ANTXR1: variants seen among roughly 807,000 people sequenced by gnomAD.
ANTXR1 encodes ANTXR cell adhesion molecule 1.
ANTXR1 carries 19 observed loss-of-function variants against 78.1 expected under a neutral mutation model. The ratio of observed to expected loss-of-function variants is 0.24; its 90% CI spans 0.17 to 0.36. The LOEUF (loss-of-function observed/expected upper bound fraction) is 0.36, where lower values mean the gene tolerates loss of function less well. Among genes scored for constraint, ANTXR1 ranks in the 10% least tolerant of loss-of-function variants. The pLI is 1.00. For missense variants in ANTXR1, 518 were observed against 718.6 expected (o/e 0.72, Z 3.19); for synonymous variants, 273 against 260.5 (o/e 1.05, Z -0.46).
chr2:69,046,362 C>T (rs1669767971), intron 3 of ANTXR1, among the ~76,000 whole-genome samples: 2 of 152,152 alleles, frequency 1.3e-5, no homozygotes, highest in African/African-American at 2.4e-5. Context: ...GTCTTCCAGA[C>T]CCATTGTGGT....
At chr2:69,238,507 G>A (rs946768126) in intron 17 of ANTXR1, among the ~76,000 whole-genome samples, 7 of 152,218 alleles carry the variant, frequency 4.6e-5, no homozygotes, top group African/African-American at 1.7e-4. Context: ...CATTGTTGAT[G>A]TGTTTAATTC....
At chr2:69,030,128 T>C (rs1305038227) in intron 1 of ANTXR1, among the ~76,000 whole-genome samples, 1 of 152,164 alleles carries the variant, frequency 6.6e-6, no homozygotes, top group East Asian at 1.9e-4. Flanking sequence ...TTTTTTAAAA[T>C]CCCTTTAGGT....
intron 13 of ANTXR1, among the ~76,000 whole-genome samples, chr2:69,161,984 G>C (rs183552961): frequency 6.6e-6 from 1 of 151,802 alleles, no homozygotes; most frequent in African/African-American, 2.4e-5. Context: ...ACATTTATTT[G>C]AGCTAACCTC....
intron 1 of ANTXR1, among the ~76,000 whole-genome samples, chr2:69,025,030 C>T (rs1249177474): frequency 6.6e-6 from 1 of 152,146 alleles, no homozygotes; most frequent in Admixed American, 6.5e-5. Context: ...AACTTCATAT[C>T]TTACCATATC....
chr2:69,127,126 A>T (rs1672565776), intron 12 of ANTXR1, among the ~76,000 whole-genome samples: 1 of 152,246 alleles, frequency 6.6e-6, no homozygotes, highest in African/African-American at 2.4e-5. Flanking sequence ...AGTTATAAAC[A>T]TAGTAAACAA....
At chr2:69,029,909 A>C (rs924909395) in intron 1 of ANTXR1, among the ~76,000 whole-genome samples, 1 of 152,220 alleles carries the variant, frequency 6.6e-6, no homozygotes, top group Non-Finnish European at 1.5e-5. Context: ...AAACTGAAAG[A>C]ATGGATTGTC....
chr2:69,016,973 G>C (rs755087787), intron 1 of ANTXR1, among the ~76,000 whole-genome samples: 24 of 152,172 alleles, frequency 1.6e-4, no homozygotes, highest in Non-Finnish European at 3.5e-4. Context: ...ACCCAAAAAT[G>C]CTCCAGGAAA....
chr2:69,013,568 C>T lies in ANTXR1; in HGVS notation c.69C>T (p.Leu23=). Residue 23 remains leucine, a synonymous_variant, in exon 1 of 18, where the codon CTC becomes CTT. Transcript: ENST00000303714. The surrounding 1 kb of genome is among the most constrained non-coding windows in gnomAD (Gnocchi z 5.0). ...FQWLSLATLV[L]ICAGQGGRRE... ...GGCTCTCTTTGGCCACTCTGGTGCT[C>T]ATCTGCGCCGGGCAAGGGGGACGCA... 6.4e-6 allele frequency: 10 copies of T among 1,574,584 alleles called. No individual in the cohort carries two copies. Among genetic ancestry groups the T allele is most frequent in the Non-Finnish European group, 6.0e-6 (7 of 1,160,186 alleles).
intron 15 of ANTXR1, 127 bp from the exon 16 acceptor site, chr2:69,182,366 C>T: frequency 8.2e-7 from 1 of 1,226,446 alleles, no homozygotes. Flanking sequence ...TTCCCTGGCC[C>T]TCAAAACCCA....
intron 3 of ANTXR1, among the ~76,000 whole-genome samples, chr2:69,047,077 AG>A (rs1344842365): frequency 6.6e-6 from 1 of 152,224 alleles, no homozygotes; most frequent in Non-Finnish European, 1.5e-5. Context: ...CAGTATTCGC[AG>A]GATGCAAAAT....
At chr2:69,183,049 G>A (rs186678777) in intron 16 of ANTXR1, 3 of 247,240 alleles carry the variant, frequency 1.2e-5, no homozygotes, top group Non-Finnish European at 2.4e-5. Context: ...AGTAACTTGG[G>A]TAGTAACCCC....
chr2:69,123,047 A>C lies in ANTXR1; in HGVS notation c.833A>C (p.Tyr278Ser). The C allele has an allele frequency of 6.2e-7, 1 of 1,614,114 alleles. No individual in the cohort carries two copies. The highest frequency in any genetic ancestry group is 8.5e-7 in the Non-Finnish European group (1 of 1,180,006). The stretch of plus-strand genomic sequence containing the variant: ...AAGCCCTTTTCTGTGGAAGATACTT[A>C]TTTACTGTGTCCAGCGCCTATCTTA... Reference protein sequence around the residue: ...NEKPFSVEDTYLLCPAPILKE... With the variant: ...NEKPFSVEDTSLLCPAPILKE... The change falls in exon 11 of 18, where the codon TAT (tyrosine) becomes TCT (serine). Residue 278 changes from tyrosine (Y) to serine (S), a missense_variant. Around this residue, in one of 5 missense-constraint regions of ANTXR1, gnomAD observed 264 missense variants for 391.8 expected, o/e 0.67. Coordinates refer to ENST00000303714, the MANE Select transcript of ANTXR1 (RefSeq NM_032208.3).
chr2:69,129,188 T>C (rs1309702374), intron 12 of ANTXR1, among the ~76,000 whole-genome samples: 1 of 152,214 alleles, frequency 6.6e-6, no homozygotes, highest in Non-Finnish European at 1.5e-5. Flanking sequence ...CAGCCAGAAG[T>C]TGAGAAAATT....
chr2:69,201,854 A>G (rs538420900), intron 17 of ANTXR1, among the ~76,000 whole-genome samples: 111 of 152,254 alleles, frequency 7.3e-4, no homozygotes, highest in African/African-American at 2.6e-3. Flanking sequence ...GGGACATCCA[A>G]ACAAAAAGGA....
intron 3 of ANTXR1, among the ~76,000 whole-genome samples, chr2:69,062,432 A>G (rs1257991207): frequency 6.6e-6 from 1 of 152,224 alleles, no homozygotes; most frequent in Non-Finnish European, 1.5e-5. Flanking sequence ...CAATTCAAAT[A>G]CTGAGAAGAT....
intron 3 of ANTXR1, among the ~76,000 whole-genome samples, chr2:69,047,709 C>T (rs1669812742): frequency 6.6e-6 from 1 of 152,040 alleles, no homozygotes; most frequent in Admixed American, 6.6e-5. Flanking sequence ...CTCCCCAGTC[C>T]ACCAGTTTTG....
At chr2:69,029,200 G>A (rs1292461456) in intron 1 of ANTXR1, among the ~76,000 whole-genome samples, 1 of 151,808 alleles carries the variant, frequency 6.6e-6, no homozygotes, top group Non-Finnish European at 1.5e-5. Context: ...CTACACTTCG[G>A]CCAGGGCAAC....
intron 13 of ANTXR1, among the ~76,000 whole-genome samples, chr2:69,155,401 T>C (rs1416409683): frequency 6.6e-6 from 1 of 152,072 alleles, no homozygotes; most frequent in East Asian, 1.9e-4. Flanking sequence ...TTCAAATAGG[T>C]AATTCAAGGG....
chr2:69,224,904 G>A (rs940218998), intron 17 of ANTXR1, among the ~76,000 whole-genome samples: 6 of 151,966 alleles, frequency 3.9e-5, no homozygotes, highest in Non-Finnish European at 8.8e-5. Context: ...GTCTCTCTTG[G>A]GCTCATTGCA....
Sources: gnomAD v4.1 joint callset for allele counts (sites outside exome capture counted in the v4.1 genomes callset) on GRCh38, gnomAD v4.1.1 for gene constraint, gnomAD v4.1.1 regional missense constraint, Gnocchi (gnomAD v3.1) non-coding constraint, MANE v1.5 for transcripts, NCBI Gene and HGNC (gene_info 2026-07-23, HGNC 2026-07-21) for gene names.